Variants in BCL10 observed in about 807,000 individuals in gnomAD.
The protein encoded by BCL10 is B-cell lymphoma/leukemia 10.
In BCL10, 5 loss-of-function variants were observed where a neutral mutation model predicts 19.2. That is an observed-to-expected ratio of 0.26 (90% CI 0.14 to 0.55). The LOEUF (loss-of-function observed/expected upper bound fraction) is 0.55, where lower values mean the gene tolerates loss of function less well. BCL10 is among the 20% of genes least tolerant of loss of function. The pLI, the probability that BCL10 is intolerant of heterozygous loss-of-function variation, is 0.94. For missense variants in BCL10, 201 were observed against 271.9 expected (o/e 0.74, Z 1.83); for synonymous variants, 110 against 98.8 (o/e 1.11, Z -0.67).
chr1:85,267,469 GCTT>G lies in BCL10; in HGVS notation c.*155_*157del. On this transcript the variant is annotated 3_prime_UTR_variant, in exon 3 of 3. Coordinates refer to ENST00000648566, the MANE Select transcript of BCL10 (RefSeq NM_003921.5). ...TTACAGTTAGCTATCCTAGAAGTAT[GCTT>G]TTTTAATTCTAAAAATCCTATTTAC... is the stretch of plus-strand genomic sequence containing the variant. 1.7e-6 allele frequency: 1 copy of G among 605,694 alleles called. No individual in the cohort carries two copies. The highest frequency in any genetic ancestry group is 2.7e-6 in the Non-Finnish European group (1 of 364,154). The allele number at this position is 605,694 out of a possible 1,614,324, so 37.5% of individuals were successfully genotyped here.
Position 85,276,482 on chromosome 1 carries a change from C to G in BCL10, c.-130G>C, listed in dbSNP as rs1660537042. On this transcript the variant is annotated 5_prime_UTR_variant, in exon 1 of 3. Transcript: ENST00000648566. Reference sequence around the variant, plus strand: ...GAGGCGGAGCGGGTCGGGAGAAAGACGGCCGCCCCTTCGGGAACAGAGGGA... The same window carrying G: ...GAGGCGGAGCGGGTCGGGAGAAAGAGGGCCGCCCCTTCGGGAACAGAGGGA... 1 of 1,045,332 alleles carries G rather than the reference C, an allele frequency of 9.6e-7. No homozygotes were observed. Among genetic ancestry groups the G allele is most frequent in the Non-Finnish European group, 1.4e-6 (1 of 701,892 alleles). The allele number at this position is 1,045,332 out of a possible 1,614,324, so 64.8% of individuals were successfully genotyped here.
chr1:85,268,021 T>TA (rs766456443), intron 2 of BCL10, 39 bp from the exon 3 acceptor site: 16 of 1,360,848 alleles, frequency 1.2e-5, no homozygotes, highest in East Asian at 2.4e-5. Flanking sequence ...AAAAAGTAAC[T>TA]AAAAAAATGG....
chr1:85,270,893 A>C lies in BCL10; in HGVS notation c.71T>G (p.Leu24Ter). 6.2e-7 allele frequency: 1 copy of C among 1,607,414 alleles called. No homozygotes were observed. The highest frequency in any genetic ancestry group is 8.5e-7 in the Non-Finnish European group (1 of 1,178,974). ...GATTTTCTCACACAGGTATACACGT[A>C]AATTTTCTAAGGCCTAAAAGACATA... ...TEVKKDALEN[L>*]RVYLCEKIIA... The change falls in exon 2 of 3, where the codon TTA (leucine) becomes TGA (stop). Residue 24 changes from leucine to a stop codon, truncating the protein, a stop_gained. Coordinates refer to ENST00000648566, the MANE Select transcript of BCL10 (RefSeq NM_003921.5). LOFTEE classifies it high-confidence loss of function.
intron 2 of BCL10, among the ~76,000 whole-genome samples, chr1:85,270,402 A>G (rs1660337935): frequency 1.3e-5 from 2 of 152,152 alleles, no homozygotes; most frequent in Admixed American, 6.5e-5. Context: ...CCTCCTGAGT[A>G]GCTGGAAACA....
At chr1:85,270,547 C>T in intron 2 of BCL10, 71 bp downstream of exon 2, 2 of 1,411,170 alleles carry the variant, frequency 1.4e-6, no homozygotes, top group Non-Finnish European at 9.7e-7. Context: ...GTGCAGGCAC[C>T]TGGCCTGCTC....
chr1:85,272,255 A>G (rs927367536), intron 1 of BCL10, among the ~76,000 whole-genome samples: 1 of 152,098 alleles, frequency 6.6e-6, no homozygotes, highest in Non-Finnish European at 1.5e-5. Context: ...ATTTTTTTTA[A>G]GGATCTCACT....
chr1:85,268,418 G>T (rs780335996), intron 2 of BCL10, among the ~76,000 whole-genome samples: 53 of 152,262 alleles, frequency 3.5e-4, no homozygotes, highest in Non-Finnish European at 1.5e-4. Flanking sequence ...TGAATAATAG[G>T]ATATTAGAAC....
intron 1 of BCL10, among the ~76,000 whole-genome samples, chr1:85,271,212 G>C (rs1219521729): frequency 6.6e-6 from 1 of 152,156 alleles, no homozygotes; most frequent in Non-Finnish European, 1.5e-5. Flanking sequence ...GGCCATCTTC[G>C]GGAGTAAAGA....
intron 2 of BCL10, 88 bp from the exon 3 acceptor site, chr1:85,268,070 C>T: frequency 2.5e-6 from 2 of 798,476 alleles, no homozygotes; most frequent in Non-Finnish European, 3.8e-6. Flanking sequence ...AGATTACAAG[C>T]TAGTTACCCC....
rs1231859858 is a variant in BCL10, at chr1:85,266,909, A to AAAAATGCC, written c.*717_*718insGGCATTTT. On this transcript the variant is annotated 3_prime_UTR_variant, in exon 3 of 3. Coordinates refer to ENST00000648566, the MANE Select transcript of BCL10 (RefSeq NM_003921.5). ...AAAAAAAAAAAAAAAGAAAAAAGGA[A>AAAAATGCC]AAAATACCTCATCAAATTACATGTA... is the stretch of plus-strand genomic sequence containing the variant. 5.5e-6 allele frequency: 1 copy of AAAAATGCC among 180,508 alleles called. No individual in the cohort carries two copies. The highest frequency in any genetic ancestry group is 2.4e-5 in the African/African-American group (1 of 41,884). The allele number at this position is 180,508 out of a possible 1,614,324, so 11.2% of individuals were successfully genotyped here.
chr1:85,267,051 C>T lies in BCL10; in HGVS notation c.*576G>A. ...AAGGTTAATTAGAAATGAATTTTGG[C>T]AAACCGAGATCTTAGGTGGCTCACA... is the stretch of plus-strand genomic sequence containing the variant. On this transcript the variant is annotated 3_prime_UTR_variant, in exon 3 of 3. Transcript: ENST00000648566. 1 of 190,644 alleles carries T rather than the reference C, an allele frequency of 5.2e-6. No homozygotes were observed. Among genetic ancestry groups the T allele is most frequent in the Non-Finnish European group, 1.1e-5 (1 of 90,880 alleles). The allele number at this position is 190,644 out of a possible 1,614,324, so 11.8% of individuals were successfully genotyped here. A position where few individuals can be genotyped will look rare whatever the true frequency, so the allele number is the denominator to read the frequency against.
chr1:85,276,415 G>T lies in BCL10; in HGVS notation c.-63C>A. On this transcript the variant is annotated 5_prime_UTR_variant, in exon 1 of 3. Transcript: ENST00000648566. The stretch of plus-strand genomic sequence containing the variant: ...AGCTCGGGCTGCGCCGCCCCGCCCT[G>T]GCTGGGGGCTTCGGCCTCCGGGTAA... 2 of 1,579,074 alleles carry T rather than the reference G, an allele frequency of 1.3e-6. No individual in the cohort carries two copies. The highest frequency in any genetic ancestry group is 1.7e-6 in the Non-Finnish European group (2 of 1,149,728).
In BCL10 at chr1:85,276,486, C is replaced by T. The variant is rs1660537167; in HGVS notation, c.-134G>A. On this transcript the variant is annotated 5_prime_UTR_variant, in exon 1 of 3. Coordinates refer to ENST00000648566, the MANE Select transcript of BCL10 (RefSeq NM_003921.5). ...CGGAGCGGGTCGGGAGAAAGACGGC[C>T]GCCCCTTCGGGAACAGAGGGACTCG... 9.8e-7 allele frequency: 1 copy of T among 1,020,204 alleles called. No homozygotes were observed. Among genetic ancestry groups the T allele is most frequent in the Non-Finnish European group, 1.5e-6 (1 of 682,826 alleles). The allele number at this position is 1,020,204 out of a possible 1,614,324, so 63.2% of individuals were successfully genotyped here.
intron 1 of BCL10, among the ~76,000 whole-genome samples, chr1:85,272,167 T>C (rs1263828253): frequency 6.6e-6 from 1 of 152,202 alleles, no homozygotes; most frequent in East Asian, 1.9e-4. Context: ...TAGCTGCACT[T>C]ACTACTTCCT....
rs1445301845 is a variant in BCL10, at chr1:85,270,791, CGA to C, written c.171_172del (p.Cys57TrpfsTer5). The C allele has an allele frequency of 1.2e-6, 2 of 1,613,902 alleles. No homozygotes were observed. Among genetic ancestry groups the C allele is most frequent in the Non-Finnish European group, 1.7e-6 (2 of 1,180,000 alleles). ...TCCAGCCCTTTTTCTACTTGATGTT[CGA>C]CAAGAAATTTCTTCAGTGTCTTCTC... On this transcript the variant is annotated frameshift_variant, in exon 2 of 3. Transcript: ENST00000648566. LOFTEE classifies it high-confidence loss of function.
chr1:85,275,053 C>T (rs550030112), intron 1 of BCL10, among the ~76,000 whole-genome samples: 16 of 152,272 alleles, frequency 1.1e-4, no homozygotes, highest in African/African-American at 2.4e-4. Context: ...CAATTATCTT[C>T]TTTAGAGGTT....
At chr1:85,275,941 G>A (rs1660513391) in intron 1 of BCL10, among the ~76,000 whole-genome samples, 1 of 152,222 alleles carries the variant, frequency 6.6e-6, no homozygotes, top group African/African-American at 2.4e-5. Context: ...AGCCTAGGCA[G>A]CCTGACTTAA....
intron 2 of BCL10, among the ~76,000 whole-genome samples, chr1:85,268,359 C>T (rs968225280): frequency 1.7e-4 from 26 of 152,046 alleles, no homozygotes; most frequent in African/African-American, 5.3e-4. Context: ...AAAATGTAAA[C>T]GGCAGATGCT....
chr1:85,267,504 T>TA lies in BCL10; in HGVS notation c.*122_*123insT, dbSNP rs1660231984. On this transcript the variant is annotated 3_prime_UTR_variant, in exon 3 of 3. Transcript: ENST00000648566. ...TTCTAAAAATCCTATTTACAAAGTA[T>TA]GCTTACATTGCATTTTAAAAGACAT... 2 of 775,254 alleles carry TA rather than the reference T, an allele frequency of 2.6e-6. No individual in the cohort carries two copies. Among genetic ancestry groups the TA allele is most frequent in the Non-Finnish European group, 4.0e-6 (2 of 499,598 alleles). The allele number at this position is 775,254 out of a possible 1,614,324, so 48.0% of individuals were successfully genotyped here.
Sources: gnomAD v4.1 joint callset for allele counts (sites outside exome capture counted in the v4.1 genomes callset) on GRCh38, gnomAD v4.1.1 for gene constraint, MANE v1.5 for transcripts, NCBI Gene and HGNC (gene_info 2026-07-23, HGNC 2026-07-21) for gene names.